The following PDE3B variants were observed in gnomAD, a reference collection of about 807,000 sequenced individuals.
PDE3B encodes the protein cGMP-inhibited 3',5'-cyclic phosphodiesterase 3B.
A neutral mutation model predicts 116.8 loss-of-function variants in PDE3B; 66 were observed. The ratio of observed to expected loss-of-function variants is 0.56; its 90% CI spans 0.46 to 0.69. PDE3B has a LOEUF of 0.69. Among genes scored for constraint, PDE3B ranks in the 30% least tolerant of loss-of-function variants. The pLI, the probability that PDE3B is intolerant of heterozygous loss-of-function variation, is 0.00. For missense variants in PDE3B, 1,384 were observed against 1,368.1 expected (o/e 1.01, Z -0.18); for synonymous variants, 595 against 533.6 (o/e 1.12, Z -1.59).
At chr11:14,817,794 A>G (rs913139759) in intron 5 of PDE3B, among the ~76,000 whole-genome samples, 4 of 152,226 alleles carry the variant, frequency 2.6e-5, no homozygotes, top group African/African-American at 7.2e-5. Context: ...AAATAATTCA[A>G]TAAAATTTGG....
At position 14,789,412 on chromosome 11, in the gene PDE3B, A is replaced by G. The variant is rs141808162; in HGVS notation, c.1415+170A>G. 2.6e-3 allele frequency among the ~76,000 whole-genome samples: 401 copies of G among 152,186 alleles called. 3 individuals carry two copies. Among genetic ancestry groups the G allele is most frequent in the African/African-American group, 9.2e-3 (384 of 41,564 alleles). ...AAAATAGAGAAACTGATTATTAAAG[A>G]GAAGCTAATGTGTCTTGTCCTAAAA... On this transcript the variant is annotated intron_variant, in intron 4 of 15. Coordinates refer to ENST00000282096, the MANE Select transcript of PDE3B (RefSeq NM_000922.4).
chr11:14,876,768 T>C (rs1285278473), downstream of PDE3B, among the ~76,000 whole-genome samples: 1 of 152,146 alleles, frequency 6.6e-6, no homozygotes, highest in Non-Finnish European at 1.5e-5. Context: ...TGGTATCATC[T>C]GGAAGGCAAA....
chr11:14,820,102 G>A (rs967305293), intron 7 of PDE3B, among the ~76,000 whole-genome samples: 3 of 152,044 alleles, frequency 2.0e-5, no homozygotes, highest in Non-Finnish European at 4.4e-5. Context: ...CCCTTTTAAA[G>A]TGTGCAATTT....
intron 1 of PDE3B, among the ~76,000 whole-genome samples, chr11:14,704,316 A>G (rs1855466416): frequency 1.3e-5 from 2 of 151,762 alleles, no homozygotes; most frequent in African/African-American, 2.4e-5. Context: ...AGTGTGCTCA[A>G]ATAATTCTAA....
At chr11:14,812,004 T>A (rs1200533687) in intron 5 of PDE3B, among the ~76,000 whole-genome samples, 1 of 152,186 alleles carries the variant, frequency 6.6e-6, no homozygotes, top group African/African-American at 2.4e-5. Context: ...ATCCTGAGAC[T>A]TTGCTGAAGT....
chr11:14,830,454 C>G (rs565208524), intron 7 of PDE3B, among the ~76,000 whole-genome samples: 1 of 152,010 alleles, frequency 6.6e-6, no homozygotes, highest in African/African-American at 2.4e-5. Flanking sequence ...AGAATATCCA[C>G]TTAGCATCCA....
intron 1 of PDE3B, among the ~76,000 whole-genome samples, chr11:14,761,031 G>A (rs1410681581): frequency 1.3e-5 from 2 of 151,148 alleles, no homozygotes; most frequent in Admixed American, 6.6e-5. Flanking sequence ...TTTTTTTTTA[G>A]TTGTCTTGTG....
chr11:14,892,014 G>A, the PDE3B span: 1 of 1,613,522 alleles, frequency 6.2e-7, no homozygotes. Context: ...TTCTCATGTA[G>A]ACATGGGGAA....
intron 1 of PDE3B, among the ~76,000 whole-genome samples, chr11:14,760,030 A>G (rs984566176): frequency 5.3e-5 from 8 of 152,168 alleles, no homozygotes; most frequent in Non-Finnish European, 1.0e-4. Context: ...CTCAACCTAA[A>G]AATAAATTGT....
chr11:14,883,185 T>A, the PDE3B span, among the ~76,000 whole-genome samples: 1 of 151,694 alleles, frequency 6.6e-6, no homozygotes, highest in African/African-American at 2.4e-5. Context: ...AAAAACTACT[T>A]TAAAGTTCAT....
chr11:14,681,448 A>G (rs911600212), intron 1 of PDE3B, among the ~76,000 whole-genome samples: 1 of 152,016 alleles, frequency 6.6e-6, no homozygotes, highest in Non-Finnish European at 1.5e-5. Flanking sequence ...TGTAAGGGAG[A>G]GTTTCCCTGT....
At chr11:14,880,329 C>T in the PDE3B span, 1 of 1,613,228 alleles carries the variant, frequency 6.2e-7, no homozygotes, top group Non-Finnish European at 8.5e-7. Context: ...GTAGCTGAGG[C>T]TTTCTGTTGA....
At chr11:14,745,502 T>TA (rs1034938815) in intron 1 of PDE3B, among the ~76,000 whole-genome samples, 3 of 151,878 alleles carry the variant, frequency 2.0e-5, no homozygotes, top group Non-Finnish European at 2.9e-5. Context: ...TTTAGCTACA[T>TA]AAAAAAAACT....
chr11:14,681,529 TC>T (rs1475934105), intron 1 of PDE3B, among the ~76,000 whole-genome samples: 3 of 152,208 alleles, frequency 2.0e-5, no homozygotes, highest in African/African-American at 4.8e-5. Flanking sequence ...TAAACCTCTT[TC>T]CTTTATAAAT....
At chr11:14,875,856 T>C (rs1848183153), downstream of PDE3B, among the ~76,000 whole-genome samples, 1 of 152,196 alleles carries the variant, frequency 6.6e-6, no homozygotes, top group African/African-American at 2.4e-5. Context: ...CCCTTCTACC[T>C]TTAAAAGTTT....
In PDE3B at chr11:14,713,044, A is replaced by G. The variant is rs1242689721; in HGVS notation, c.979-58893A>G. On this transcript the variant is annotated intron_variant, in intron 1 of 15. Transcript: ENST00000282096. ...GACATTTATGTAACATTCATTTTAA[A>G]AAATTTGAATACCAATTATGTGTAA... 2.0e-5 allele frequency among the ~76,000 whole-genome samples: 3 copies of G among 152,252 alleles called. No homozygotes were observed. The East Asian group carries it at 5.8e-4, about 29-fold the overall frequency.
chr11:14,844,089 C>T, intron 12 of PDE3B, 63 bp downstream of exon 12: 1 of 1,203,230 alleles, frequency 8.3e-7, no homozygotes, highest in Admixed American at 1.7e-5. Context: ...TGCTGTGTAT[C>T]CCTTTATAAA....
At chr11:14,798,230 C>G (rs187849272) in intron 4 of PDE3B, among the ~76,000 whole-genome samples, 4 of 152,088 alleles carry the variant, frequency 2.6e-5, no homozygotes, top group African/African-American at 9.7e-5. Flanking sequence ...TGATGGATTA[C>G]GTTTATTGAT....
At chr11:14,757,528 T>C (rs912336374) in intron 1 of PDE3B, among the ~76,000 whole-genome samples, 1 of 148,874 alleles carries the variant, frequency 6.7e-6, no homozygotes, top group Admixed American at 6.7e-5. Context: ...CATTGTGGTT[T>C]TGATTTGCAT....
Sources: allele counts gnomAD v4.1 joint callset (sites outside exome capture counted in the v4.1 genomes callset), GRCh38; gene constraint gnomAD v4.1.1; transcripts MANE v1.5; gene names NCBI Gene and HGNC (gene_info 2026-07-23, HGNC 2026-07-21).